SLC2A9: variants seen among roughly 807,000 people sequenced by gnomAD.
SLC2A9 encodes solute carrier family 2, facilitated glucose transporter member 9.
In SLC2A9, 39 loss-of-function variants were observed where a neutral mutation model predicts 50.6. The ratio of observed to expected loss-of-function variants is 0.77; its 90% CI spans 0.60 to 1.01. The LOEUF (loss-of-function observed/expected upper bound fraction) is 1.01, where lower values mean the gene tolerates loss of function less well. Among genes scored for constraint, SLC2A9 ranks in the 50% least tolerant of loss-of-function variants. The pLI is 0.00. For missense variants in SLC2A9, 686 were observed against 677.6 expected, an observed-to-expected ratio of 1.01 and a Z score of -0.14; for synonymous variants, 324 against 276.9, an observed-to-expected ratio of 1.17 and a Z score of -1.69.
chr4:9,805,260 G>A (rs946461052), intron 3 of SLC2A9, among the ~76,000 whole-genome samples: 12 of 152,334 alleles, frequency 7.9e-5, no homozygotes, highest in South Asian at 2.1e-4. Flanking sequence ...TCCATGGGAC[G>A]CTGCTGATTT....
intron 1 of SLC2A9, among the ~76,000 whole-genome samples, chr4:10,028,666 T>G (rs988098046): frequency 2.6e-5 from 4 of 152,180 alleles, no homozygotes; most frequent in Non-Finnish European, 4.4e-5. Context: ...GGCGGTTACT[T>G]ACCATTCTGC....
intron 1 of SLC2A9, among the ~76,000 whole-genome samples, chr4:10,039,542 C>T (rs16892483): frequency 0.017 from 2,664 of 152,292 alleles, 73 homozygotes; most frequent in African/African-American, 0.06. Flanking sequence ...TGCTAGGTGA[C>T]GCCTAAATAA....
At chr4:9,843,093 G>C (rs1728356820) in intron 10 of SLC2A9, among the ~76,000 whole-genome samples, 2 of 152,124 alleles carry the variant, frequency 1.3e-5, no homozygotes, top group African/African-American at 4.8e-5. Flanking sequence ...CTCATTGAGT[G>C]TTATACTTTG....
At chr4:9,923,029 T>C (rs1744221003) in intron 6 of SLC2A9, 1 of 152,238 alleles carries the variant, frequency 6.6e-6, no homozygotes, top group Non-Finnish European at 1.5e-5. Flanking sequence ...GGATTTGGGC[T>C]TGGAGTCCTC....
At chr4:9,863,560 A>C (rs1731986227) in intron 10 of SLC2A9, among the ~76,000 whole-genome samples, 1 of 152,136 alleles carries the variant, frequency 6.6e-6, no homozygotes, top group Non-Finnish European at 1.5e-5. Flanking sequence ...TAGTTTCCTC[A>C]TTAAGACAGC....
chr4:10,025,410 C>T (rs568264468), upstream of SLC2A9, among the ~76,000 whole-genome samples: 2 of 152,184 alleles, frequency 1.3e-5, no homozygotes, highest in South Asian at 4.2e-4. Flanking sequence ...ATGTAAAGGT[C>T]CAGCACAGAG....
chr4:10,007,708 G>A (rs1340382101), intron 2 of SLC2A9, among the ~76,000 whole-genome samples: 2 of 152,226 alleles, frequency 1.3e-5, no homozygotes, highest in Non-Finnish European at 1.5e-5. Context: ...GCAGACTTGA[G>A]ATGATATTTT....
intron 5 of SLC2A9, among the ~76,000 whole-genome samples, chr4:9,979,527 G>A (rs565113219): frequency 1.3e-5 from 2 of 152,090 alleles, no homozygotes; most frequent in South Asian, 4.2e-4. Flanking sequence ...CCCCTGGGAG[G>A]AATCCTAGCA....
Position 9,890,621 on chromosome 4 carries a change from G to A in SLC2A9, c.1204C>T (p.Leu402=). Residue 402 remains leucine, a synonymous_variant, in exon 9 of 12, where the codon CTG becomes TTG. Transcript: ENST00000264784. ...GLFFGTLTIT[L]TLQDHAPWVP... The stretch of plus-strand genomic sequence containing the variant: ...GAACATCGTCTCACCTGCAGGGTCA[G>A]CGTGATGGTGAGGGTCCCAAAGAAG... The A allele has an allele frequency of 1.2e-6, 2 of 1,614,108 alleles. No homozygotes were observed. The highest frequency in any genetic ancestry group is 1.1e-5 in the South Asian group (1 of 91,066).
chr4:9,979,321 C>T (rs776297229), intron 5 of SLC2A9, among the ~76,000 whole-genome samples: 6 of 152,090 alleles, frequency 3.9e-5, no homozygotes, highest in Non-Finnish European at 7.4e-5. Context: ...CTAGGACGTG[C>T]GAATTTGTTA....
downstream of SLC2A9, among the ~76,000 whole-genome samples, chr4:9,777,517 G>A (rs1341866268): frequency 1.3e-5 from 2 of 149,230 alleles, no homozygotes; most frequent in Non-Finnish European, 3.0e-5. Context: ...ATTGGTGAAA[G>A]TCAGGGGGAC....
intron 3 of SLC2A9, among the ~76,000 whole-genome samples, chr4:9,784,805 G>A (rs540673807): frequency 1.3e-5 from 2 of 152,196 alleles, no homozygotes; most frequent in Admixed American, 6.5e-5. Context: ...GCAATTTCTT[G>A]CAAGTCCCTG....
chr4:9,931,950 C>CAA (rs1242400285), intron 6 of SLC2A9, among the ~76,000 whole-genome samples: 27 of 58,640 alleles, frequency 4.6e-4, no homozygotes, highest in African/African-American at 2.8e-3. Context: ...CTCTCTCTCT[C>CAA]TCTCTCTCTC....
At chr4:9,954,010 T>C (rs1041728857) in intron 5 of SLC2A9, among the ~76,000 whole-genome samples, 2 of 151,934 alleles carry the variant, frequency 1.3e-5, no homozygotes, top group African/African-American at 4.8e-5. Context: ...GGTTTCTCCT[T>C]GTTGGTCAGG....
intron 1 of SLC2A9, among the ~76,000 whole-genome samples, chr4:10,036,653 G>C (rs189099922): frequency 6.6e-6 from 1 of 152,212 alleles, no homozygotes; most frequent in Admixed American, 6.5e-5. Context: ...TTAACCAGTC[G>C]GTCATTTGGG....
intron 3 of SLC2A9, among the ~76,000 whole-genome samples, chr4:9,994,109 A>T (rs1758191224): frequency 6.6e-6 from 1 of 152,232 alleles, no homozygotes; most frequent in South Asian, 2.1e-4. Context: ...AGGCGTTTCA[A>T]ATAGCATCAT....
intron 10 of SLC2A9, among the ~76,000 whole-genome samples, chr4:9,856,341 G>A (rs191680341): frequency 3.5e-4 from 53 of 152,204 alleles, no homozygotes; most frequent in East Asian, 1.9e-3. Context: ...AGACATACAC[G>A]CAACCAACAA....
At chr4:9,819,367 A>G (rs2109034165) in intron 3 of SLC2A9, among the ~76,000 whole-genome samples, 1 of 152,294 alleles carries the variant, frequency 6.6e-6, no homozygotes, top group South Asian at 2.1e-4. Context: ...TTTTTATTTT[A>G]GCCATTCCAA....
At chr4:9,922,879 A>G (rs1158529978) in intron 6 of SLC2A9, 1 of 152,356 alleles carries the variant, frequency 6.6e-6, no homozygotes, top group Non-Finnish European at 1.5e-5. Flanking sequence ...CACACCCTTC[A>G]GCCCCTGCCT....
Sources: allele counts gnomAD v4.1 joint callset (sites outside exome capture counted in the v4.1 genomes callset), GRCh38; gene constraint gnomAD v4.1.1; transcripts MANE v1.5; gene names NCBI Gene and HGNC (gene_info 2026-07-23, HGNC 2026-07-21).